The following SPIDR variants were observed in gnomAD, a reference collection of about 807,000 sequenced individuals.
SPIDR encodes scaffold protein involved in DNA repair.
Under a neutral mutation model 104.6 loss-of-function variants are expected in SPIDR, and 93 were observed. That is an observed-to-expected ratio of 0.89 (90% CI 0.75 to 1.06). The LOEUF is 1.06. Among genes scored for constraint, SPIDR ranks in the 50% least tolerant of loss-of-function variants. SPIDR has a pLI of 0.00. For synonymous variants in SPIDR, 431 were observed against 416.9 expected (o/e 1.03, Z -0.41); for missense variants, 1,154 against 1,111.2 (o/e 1.04, Z -0.55).
chr8:47,501,292 G>A (rs999366316), intron 8 of SPIDR, among the ~76,000 whole-genome samples: 10 of 152,054 alleles, frequency 6.6e-5, no homozygotes, highest in South Asian at 4.1e-4. Flanking sequence ...ATGTTCTTCT[G>A]TTTGTTTGTA....
intron 8 of SPIDR, among the ~76,000 whole-genome samples, chr8:47,450,625 A>G (rs559580759): frequency 2.0e-5 from 3 of 152,342 alleles, no homozygotes; most frequent in African/African-American, 4.8e-5. Flanking sequence ...TGTTGTTTCC[A>G]GTAGAGGGAA....
At chr8:47,625,602 C>G (rs1563350704) in intron 10 of SPIDR, among the ~76,000 whole-genome samples, 3 of 152,170 alleles carry the variant, frequency 2.0e-5, no homozygotes, top group Non-Finnish European at 2.9e-5. Context: ...AACAGGCAAA[C>G]AGAGAGCCAA....
intron 8 of SPIDR, among the ~76,000 whole-genome samples, chr8:47,590,213 A>C (rs988315681): frequency 6.0e-5 from 9 of 150,572 alleles, no homozygotes; most frequent in Admixed American, 6.6e-5. Flanking sequence ...ACTTTCTCTG[A>C]GTTTATTTTG....
intron 8 of SPIDR, among the ~76,000 whole-genome samples, chr8:47,477,553 A>G (rs1437457532): frequency 2.0e-5 from 3 of 152,222 alleles, no homozygotes; most frequent in African/African-American, 7.2e-5. Flanking sequence ...TATTTCATAT[A>G]GTAGAGGTAA....
intron 6 of SPIDR, among the ~76,000 whole-genome samples, chr8:47,407,124 A>G (rs1414837496): frequency 2.0e-5 from 3 of 152,230 alleles, no homozygotes; most frequent in Non-Finnish European, 4.4e-5. Context: ...ATACACCTAT[A>G]TATTTATAAG....
chr8:47,535,397 T>A (rs1003633593), intron 8 of SPIDR, among the ~76,000 whole-genome samples: 4 of 151,738 alleles, frequency 2.6e-5, no homozygotes, highest in African/African-American at 9.7e-5. Flanking sequence ...TATTTGCAGA[T>A]AACAAATAAC....
At chr8:47,483,369 G>A (rs72646339) in intron 8 of SPIDR, among the ~76,000 whole-genome samples, 4,420 of 152,234 alleles carry the variant, frequency 0.029, 97 homozygotes, top group Non-Finnish European at 0.046. Flanking sequence ...CAGCCCAAGA[G>A]GTAAGATACG....
chr8:47,665,607 A>G (rs1025549192), intron 10 of SPIDR, among the ~76,000 whole-genome samples: 6 of 152,224 alleles, frequency 3.9e-5, no homozygotes, highest in African/African-American at 1.4e-4. Flanking sequence ...AATGTCATAC[A>G]TATCTGTGGA....
chr8:47,434,038 T>C (rs2067834223), intron 7 of SPIDR, among the ~76,000 whole-genome samples: 2 of 152,160 alleles, frequency 1.3e-5, no homozygotes, highest in Admixed American at 1.3e-4. Flanking sequence ...AATAAAACCA[T>C]TGTAGTAATG....
chr8:47,290,655 C>T (rs2039740259), intron 3 of SPIDR, among the ~76,000 whole-genome samples: 1 of 152,226 alleles, frequency 6.6e-6, no homozygotes, highest in African/African-American at 2.4e-5. Context: ...ATTCCTGTTA[C>T]TCATAAGTTT....
intron 8 of SPIDR, among the ~76,000 whole-genome samples, chr8:47,455,376 G>A (rs1554709142): frequency 6.6e-6 from 1 of 151,472 alleles, no homozygotes. Flanking sequence ...TATAGAGAAT[G>A]GGAGAAAAGA....
At chr8:47,466,910 TATATAG>T (rs1178489275) in intron 8 of SPIDR, among the ~76,000 whole-genome samples, 2,664 of 125,708 alleles carry the variant, frequency 0.021, 54 homozygotes, top group Non-Finnish European at 0.027. Context: ...AATATATATA[TATATAG>T]ATAGATAGAT....
chr8:47,350,613 C>A (rs1587508592), intron 5 of SPIDR, among the ~76,000 whole-genome samples: 1 of 152,158 alleles, frequency 6.6e-6, no homozygotes, highest in East Asian at 1.9e-4. Flanking sequence ...TGTGCCTGGC[C>A]TAATTTCTTA....
chr8:47,445,939 C>T (rs552770817), intron 8 of SPIDR, among the ~76,000 whole-genome samples: 1 of 152,296 alleles, frequency 6.6e-6, no homozygotes, highest in South Asian at 2.1e-4. Flanking sequence ...GAAGTTGATT[C>T]ATGAGATTTA....
At chr8:47,667,363 C>G (rs1267746457) in intron 10 of SPIDR, among the ~76,000 whole-genome samples, 1 of 146,222 alleles carries the variant, frequency 6.8e-6, no homozygotes, top group African/African-American at 2.5e-5. Context: ...TTTGAGAGTC[C>G]AAGGCAGAAG....
chr8:47,597,289 A>C (rs1420709899), intron 9 of SPIDR, among the ~76,000 whole-genome samples: 1 of 152,106 alleles, frequency 6.6e-6, no homozygotes, highest in African/African-American at 2.4e-5. Flanking sequence ...ATATGTATAC[A>C]TGTTCCATGT....
chr8:47,333,430 T>C (rs2049122546), intron 5 of SPIDR, among the ~76,000 whole-genome samples: 1 of 151,876 alleles, frequency 6.6e-6, no homozygotes, highest in Non-Finnish European at 1.5e-5. Context: ...GCCTCCCGAG[T>C]AGCTGGGATT....
In SPIDR at chr8:47,712,733, G is replaced by A. The variant is rs760404510; in HGVS notation, c.2049G>A (p.Lys683=). 6.2e-7 allele frequency: 1 copy of A among 1,614,170 alleles called. No individual in the cohort carries two copies. ...LLVTDVTLQT[K]EERDPRLPKT... ...TGACCGATGTCACTCTGCAAACGAA[G>A]GAGGAGAGAGACCCCAGGCTCCCCA... Residue 683 remains lysine (K), a synonymous_variant, in exon 15 of 20, where the codon AAG becomes AAA. Transcript: ENST00000297423.
chr8:47,633,558 G>GAAAAAAAA (rs113678854), intron 10 of SPIDR, among the ~76,000 whole-genome samples: 1 of 134,320 alleles, frequency 7.4e-6, no homozygotes, highest in African/African-American at 2.8e-5. Context: ...GCAAATGATT[G>GAAAAAAAA]AAAAAAAAAA....
Sources: allele counts gnomAD v4.1 joint callset (sites outside exome capture counted in the v4.1 genomes callset), GRCh38; gene constraint gnomAD v4.1.1; transcripts MANE v1.5; gene names NCBI Gene and HGNC (gene_info 2026-07-23, HGNC 2026-07-21).